The following LPP variants were observed in gnomAD, a reference collection of about 807,000 sequenced individuals.
LPP encodes LIM domain containing preferred translocation partner in lipoma, also known as lipoma-preferred partner.
LPP carries 38 observed loss-of-function variants against 60.4 expected under a neutral mutation model. The observed-to-expected ratio is 0.63, with a 90% CI of 0.49 to 0.83. The LOEUF (loss-of-function observed/expected upper bound fraction) is 0.83, where lower values mean the gene tolerates loss of function less well. Ranked by LOEUF, LPP falls within the 40% of genes least tolerant of loss-of-function variation. The pLI, the probability that LPP is intolerant of heterozygous loss-of-function variation, is 0.00. For missense variants in LPP, 902 were observed against 783.6 expected (o/e 1.15, Z -1.80); for synonymous variants, 328 against 290.8 (o/e 1.13, Z -1.30).
At chr3:188,443,968 A>G (rs1200443909) in intron 4 of LPP, among the ~76,000 whole-genome samples, 2 of 152,234 alleles carry the variant, frequency 1.3e-5, no homozygotes, top group Admixed American at 6.5e-5. Flanking sequence ...TAGCATGTGT[A>G]TAAAGAATGT....
intron 7 of LPP, among the ~76,000 whole-genome samples, chr3:188,685,477 T>G (rs1215726036): frequency 6.6e-6 from 1 of 152,102 alleles, no homozygotes; most frequent in Non-Finnish European, 1.5e-5. Context: ...ACAAATTTAG[T>G]GCCAAAATCT....
At chr3:188,533,494 C>T (rs1329333133) in intron 6 of LPP, among the ~76,000 whole-genome samples, 2 of 152,078 alleles carry the variant, frequency 1.3e-5, no homozygotes, top group South Asian at 2.1e-4. Flanking sequence ...CTCCTATATT[C>T]TCTTAGGAAA....
chr3:188,407,799 T>G (rs113502492), intron 4 of LPP, among the ~76,000 whole-genome samples: 6,185 of 138,496 alleles, frequency 0.045, 355 homozygotes, highest in East Asian at 0.2. Flanking sequence ...TTTTTTTTTT[T>G]TTTTTTTTGA....
At chr3:188,758,175 G>A (rs1388934783) in intron 8 of LPP, among the ~76,000 whole-genome samples, 4 of 151,860 alleles carry the variant, frequency 2.6e-5, no homozygotes, top group Non-Finnish European at 5.9e-5. Context: ...ATTTCTTTTT[G>A]GTTTGAGATG....
chr3:188,394,911 GCT>G (rs1350541417), intron 3 of LPP, among the ~76,000 whole-genome samples: 1 of 152,076 alleles, frequency 6.6e-6, no homozygotes. Flanking sequence ...CAATCGTTTT[GCT>G]ATTAAATGTG....
chr3:188,395,442 C>T (rs534184412), intron 3 of LPP, among the ~76,000 whole-genome samples: 2 of 151,892 alleles, frequency 1.3e-5, no homozygotes, highest in African/African-American at 2.4e-5. Context: ...TGTTGTGTTG[C>T]GCAGGCTGAT....
chr3:188,815,751 G>A (rs952257280), intron 9 of LPP, among the ~76,000 whole-genome samples: 2 of 152,186 alleles, frequency 1.3e-5, no homozygotes, highest in African/African-American at 4.8e-5. Context: ...TACAGGGTCA[G>A]TCTATTTTCC....
intron 4 of LPP, among the ~76,000 whole-genome samples, chr3:188,408,261 G>C (rs1414497631): frequency 6.6e-6 from 1 of 152,140 alleles, no homozygotes; most frequent in Non-Finnish European, 1.5e-5. Flanking sequence ...AGGTATGAGA[G>C]TTCTTATAGG....
chr3:188,860,033 A>C (rs181307801), intron 9 of LPP, among the ~76,000 whole-genome samples: 1 of 152,230 alleles, frequency 6.6e-6, no homozygotes, highest in East Asian at 1.9e-4. Flanking sequence ...ATATAGACTT[A>C]GATTAAGATA....
chr3:188,250,730 C>CTTTCTT (rs1560158157), intron 2 of LPP, among the ~76,000 whole-genome samples: 1 of 56,232 alleles, frequency 1.8e-5, no homozygotes, highest in East Asian at 6.2e-4. Flanking sequence ...TTCTCTCTTT[C>CTTTCTT]TTTCTTTCTT....
At position 188,609,946 on chromosome 3, in the gene LPP, TA is replaced by T; in HGVS notation, c.1113+103del. 9.0e-7 allele frequency: 1 copy of T among 1,114,480 alleles called. No homozygotes were observed. Among genetic ancestry groups the T allele is most frequent in the South Asian group, 1.6e-5 (1 of 63,450 alleles). The allele number at this position is 1,114,480 out of a possible 1,614,324, so 69.0% of individuals were successfully genotyped here. A position where few individuals can be genotyped will look rare whatever the true frequency, so the allele number is the denominator to read the frequency against. ...AAGGCAAAAGTGTGTGTGTTACTTTTATTTCACTGACAAATACAATCCCAGG... is the reference window on the plus strand; with the variant it reads ...AAGGCAAAAGTGTGTGTGTTACTTTTTTTCACTGACAAATACAATCCCAGG... On this transcript the variant is annotated intron_variant, in intron 7 of 11. Transcript: ENST00000617246. The surrounding 1 kb of genome is among the most constrained non-coding windows in gnomAD (Gnocchi z 6.9).
intron 8 of LPP, 78 bp downstream of exon 8, chr3:188,708,471 A>G (rs780118427): frequency 2.5e-6 from 4 of 1,583,454 alleles, no homozygotes; most frequent in Non-Finnish European, 3.5e-6. Flanking sequence ...AACTATTATC[A>G]GCTCCACTGG....
At chr3:188,196,633 T>C (rs1224011590) in intron 1 of LPP, among the ~76,000 whole-genome samples, 1 of 152,200 alleles carries the variant, frequency 6.6e-6, no homozygotes, top group Non-Finnish European at 1.5e-5. Context: ...ATTCCAAAAA[T>C]GCAAATCTGT....
At chr3:188,466,639 T>C (rs1162562782) in intron 4 of LPP, among the ~76,000 whole-genome samples, 4 of 151,444 alleles carry the variant, frequency 2.6e-5, no homozygotes, top group Non-Finnish European at 5.9e-5. Context: ...ATACCTTCGT[T>C]AATATGGTGC....
chr3:188,677,104 C>T (rs1318695764), intron 7 of LPP, among the ~76,000 whole-genome samples: 1 of 152,102 alleles, frequency 6.6e-6, no homozygotes, highest in Non-Finnish European at 1.5e-5. Context: ...CCAGTCAATC[C>T]TCAGTTGAGA....
intron 3 of LPP, among the ~76,000 whole-genome samples, chr3:188,349,064 A>G (rs1466903013): frequency 6.6e-6 from 1 of 152,174 alleles, no homozygotes; most frequent in Non-Finnish European, 1.5e-5. Context: ...TCTTTTCATT[A>G]AACCACGATG....
chr3:188,495,064 T>TTTTATATATATATATATA (rs1430620373), intron 5 of LPP, among the ~76,000 whole-genome samples: 10 of 53,880 alleles, frequency 1.9e-4, no homozygotes, highest in Admixed American at 1.2e-3. Context: ...GTTCAGGATT[T>TTTTATATATATATATATA]TATATATATA....
chr3:188,725,751 A>G (rs1718147969), intron 8 of LPP, among the ~76,000 whole-genome samples: 1 of 152,186 alleles, frequency 6.6e-6, no homozygotes, highest in Admixed American at 6.5e-5. Flanking sequence ...CTCAATTCCA[A>G]TATGATACAT....
At chr3:188,321,650 G>A (rs983404006) in intron 2 of LPP, among the ~76,000 whole-genome samples, 2 of 151,980 alleles carry the variant, frequency 1.3e-5, no homozygotes, top group Admixed American at 1.3e-4. Context: ...ATAACTTGCT[G>A]ACTTAAAAAA....
Sources: allele counts gnomAD v4.1 joint callset (sites outside exome capture counted in the v4.1 genomes callset), GRCh38; gene constraint gnomAD v4.1.1; non-coding constraint Gnocchi (gnomAD v3.1); transcripts MANE v1.5; gene names NCBI Gene and HGNC (gene_info 2026-07-23, HGNC 2026-07-21).